BEND5: variants seen among roughly 807,000 people sequenced by gnomAD.
BEND5 encodes BEN domain containing 5, also known as BEN domain-containing protein 5.
BEND5 carries 22 observed loss-of-function variants against 43.9 expected under a neutral mutation model. The ratio of observed to expected loss-of-function variants is 0.50; its 90% CI spans 0.36 to 0.72. The LOEUF (loss-of-function observed/expected upper bound fraction) is 0.72, where lower values mean the gene tolerates loss of function less well. Among genes scored for constraint, BEND5 ranks in the 30% least tolerant of loss-of-function variants. The probability of loss-of-function intolerance (pLI) is 0.00; values close to 1 mark genes in which losing one functional copy is unlikely to be tolerated. For missense variants in BEND5, 428 were observed against 550.6 expected (o/e 0.78, Z 2.23); for synonymous variants, 228 against 225.9 (o/e 1.01, Z -0.08).
At position 48,776,822 on chromosome 1, in the gene BEND5, A is replaced by G. The variant is rs1645116815; in HGVS notation, c.10T>C (p.Phe4Leu). 6.6e-7 allele frequency: 1 copy of G among 1,506,248 alleles called. No individual in the cohort carries two copies. The highest frequency in any genetic ancestry group is 8.9e-7 in the Non-Finnish European group (1 of 1,129,158). 93.3% of individuals were successfully genotyped at this position (1,506,248 alleles called of 1,614,324 possible). Residue 4 changes from phenylalanine to leucine, a missense_variant, in exon 1 of 6, where the codon TTT (phenylalanine) becomes CTT (leucine). Around this residue, in one of 4 missense-constraint regions of BEND5, gnomAD observed 107 missense variants for 98.8 expected, o/e 1.08. Transcript: ENST00000371833. ...ACGTTGTCCTCCAGGAACCGCACAAAGGCGTACATGGTGGGCGCCGGGGGC... is the reference window on the plus strand; with the variant it reads ...ACGTTGTCCTCCAGGAACCGCACAAGGGCGTACATGGTGGGCGCCGGGGGC... MYA[F>L]VRFLEDNVCY... is the part of the protein sequence containing the mutation.
chr1:48,735,358 A>AGAGGGCATTGGCAAAGAATGGATGGATG (rs1355969705), intron 5 of BEND5, among the ~76,000 whole-genome samples: 1 of 151,960 alleles, frequency 6.6e-6, no homozygotes, highest in African/African-American at 2.4e-5. Context: ...AATACCCATT[A>AGAGGGCATTGGCAAAGAATGGATGGATG]GAGGGCCTGG....
intron 3 of BEND5, among the ~76,000 whole-genome samples, chr1:48,747,146 A>C (rs1433738826): frequency 6.6e-6 from 1 of 152,244 alleles, no homozygotes; most frequent in Non-Finnish European, 1.5e-5. Flanking sequence ...ATTAGCCACA[A>C]TAATAAGCAC....
Position 48,736,780 on chromosome 1 carries a change from G to T in BEND5, c.895-328C>A, listed in dbSNP as rs1649123890. On this transcript the variant is annotated intron_variant, in intron 4 of 5. Transcript: ENST00000371833. The surrounding 1 kb of genome is among the most constrained non-coding windows in gnomAD (Gnocchi z 4.0). The stretch of plus-strand genomic sequence containing the variant: ...CTGAACATCATTCAACTAGTAAGTG[G>T]CAGAGTTGATATTCTACACTATACT... Among the ~76,000 whole-genome samples the T allele has an allele frequency of 6.6e-6, 1 of 152,152 alleles. No homozygotes were observed.
intron 2 of BEND5, 45 bp from the exon 3 acceptor site, chr1:48,759,329 T>C (rs549650665): frequency 6.5e-7 from 1 of 1,533,806 alleles, no homozygotes; most frequent in East Asian, 2.5e-5. Context: ...GCAGCTGGGA[T>C]TTTCTTGGAC....
At chr1:48,776,528 T>G in intron 1 of BEND5, 78 bp downstream of exon 1, 12 of 660,368 alleles carry the variant, frequency 1.8e-5, no homozygotes, top group Non-Finnish European at 2.2e-5. Context: ...CCCGGTCCCC[T>G]CCGCCCGGGC....
intron 4 of BEND5, among the ~76,000 whole-genome samples, chr1:48,741,102 C>T (rs1267194686): frequency 6.6e-6 from 1 of 152,168 alleles, no homozygotes; most frequent in African/African-American, 2.4e-5. Flanking sequence ...ATCCATCAGC[C>T]TTCAAGGCAA....
intron 1 of BEND5, among the ~76,000 whole-genome samples, chr1:48,762,926 C>G (rs1218731206): frequency 6.6e-6 from 1 of 152,004 alleles, no homozygotes; most frequent in African/African-American, 2.4e-5. Context: ...TCTCTGAACT[C>G]AAGTCTCTCC....
chr1:48,751,577 G>A (rs1194358495), intron 3 of BEND5, among the ~76,000 whole-genome samples: 3 of 152,176 alleles, frequency 2.0e-5, no homozygotes, highest in African/African-American at 7.2e-5. Context: ...GCCCAAAGCA[G>A]GTATTCCTAG....
At position 48,742,685 on chromosome 1, in the gene BEND5, T is replaced by G. The variant is rs1650102574; in HGVS notation, c.832A>C (p.Thr278Pro). Residue 278 changes from threonine to proline, a missense_variant, in exon 4 of 6, where the codon ACG (threonine) becomes CCG (proline). Thr to Pro is a conservative substitution (Grantham distance 38). Around this residue, in one of 4 missense-constraint regions of BEND5, gnomAD observed 243 missense variants for 286.4 expected, o/e 0.85. Transcript: ENST00000371833. ...GCAGGAGCGGGGTAATAGGACGACG[T>G]ATTTGCTTCCTCACTGAAAGTGCTC... is the stretch of plus-strand genomic sequence containing the variant. ...LRSTFSEEANTSSYYPAPAPV... is the reference protein window; with the variant it reads ...LRSTFSEEANPSSYYPAPAPV... 6.2e-7 allele frequency: 1 copy of G among 1,611,758 alleles called. No individual in the cohort carries two copies. The highest frequency in any genetic ancestry group is 8.5e-7 in the Non-Finnish European group (1 of 1,178,866).
At chr1:48,737,320 C>A (rs1456283716) in intron 4 of BEND5, among the ~76,000 whole-genome samples, 2 of 152,216 alleles carry the variant, frequency 1.3e-5, no homozygotes, top group East Asian at 3.9e-4. Context: ...AAAAAAAAAT[C>A]ATCAGTTCGT....
Position 48,727,919 on chromosome 1 carries a change from T to C in BEND5, c.1233A>G (p.Glu411=). The C allele has an allele frequency of 6.2e-7, 1 of 1,607,842 alleles. No individual in the cohort carries two copies. ...AATTGTATTTTGCTTCCCTTCGTTC[T>C]TCATTTTTACAGGATTTATTGATAT... ...IMDINKSCKN[E]ERREAKYNLQ is the part of the protein sequence containing the mutation. The change falls in exon 6 of 6, where the codon GAA becomes GAG. Residue 411 remains glutamate (E), a synonymous_variant. Coordinates refer to ENST00000371833, the MANE Select transcript of BEND5 (RefSeq NM_024603.4).
At chr1:48,731,786 T>C (rs1014980986) in intron 5 of BEND5, among the ~76,000 whole-genome samples, 1 of 152,074 alleles carries the variant, frequency 6.6e-6, no homozygotes, top group African/African-American at 2.4e-5. Flanking sequence ...ACAGGAGATA[T>C]AGCCAGAAAC....
chr1:48,743,085 C>G (rs11205534), intron 3 of BEND5, among the ~76,000 whole-genome samples: 1 of 151,870 alleles, frequency 6.6e-6, no homozygotes, highest in African/African-American at 2.4e-5. Context: ...TTCTGTTACG[C>G]CTGGGTTGGA....
chr1:48,776,478 G>T (rs1645089892), intron 1 of BEND5, 128 bp downstream of exon 1: 1 of 693,218 alleles, frequency 1.4e-6, no homozygotes, highest in East Asian at 3.4e-5. Context: ...ATGCCCAGAG[G>T]ACGGGAGAAG....
Position 48,756,553 on chromosome 1 carries a change from G to T in BEND5, c.745+2347C>A, listed in dbSNP as rs570532273. Among the ~76,000 whole-genome samples the T allele has an allele frequency of 8.5e-5, 13 of 152,340 alleles. No homozygotes were observed. In the East Asian group the frequency reaches 2.1e-3, roughly 25 times the overall value. ...GAAAATAAGGTCATAGGAAAGGAAGGAAGAAAGGAAAGAAGGACATGAGCT... is the reference window on the plus strand; with the variant it reads ...GAAAATAAGGTCATAGGAAAGGAAGTAAGAAAGGAAAGAAGGACATGAGCT... On this transcript the variant is annotated intron_variant, in intron 3 of 5. Transcript: ENST00000371833.
chr1:48,750,596 G>T (rs1429778595), intron 3 of BEND5, among the ~76,000 whole-genome samples: 1 of 152,162 alleles, frequency 6.6e-6, no homozygotes, highest in Non-Finnish European at 1.5e-5. Flanking sequence ...ACTTCTTTAA[G>T]GTGGCAAGGG....
At chr1:48,756,845 A>C (rs1470333460) in intron 3 of BEND5, among the ~76,000 whole-genome samples, 1 of 152,168 alleles carries the variant, frequency 6.6e-6, no homozygotes, top group Non-Finnish European at 1.5e-5. Context: ...TTGGGGCTCC[A>C]GTTGATTTAT....
Position 48,736,124 on chromosome 1 carries a change from A to C in BEND5, c.1108+115T>G. The C allele has an allele frequency of 8.3e-7, 1 of 1,211,758 alleles. No homozygotes were observed. Among genetic ancestry groups the C allele is most frequent in the South Asian group, 1.4e-5 (1 of 73,534 alleles). The allele number at this position is 1,211,758 out of a possible 1,614,324, so 75.1% of individuals were successfully genotyped here. A position where few individuals can be genotyped will look rare whatever the true frequency, so the allele number is the denominator to read the frequency against. Reference sequence around the variant, plus strand: ...CGCTTGGTGTCCCCGGGCTCAGCCCAGGGTCTGGCATGCAGAAGCTTCATA... The same window carrying C: ...CGCTTGGTGTCCCCGGGCTCAGCCCCGGGTCTGGCATGCAGAAGCTTCATA... On this transcript the variant is annotated intron_variant, in intron 5 of 5. Coordinates refer to ENST00000371833, the MANE Select transcript of BEND5 (RefSeq NM_024603.4). This position sits in a 1 kb window ranked among gnomAD's most constrained non-coding sequence, Gnocchi z 4.0.
intron 5 of BEND5, among the ~76,000 whole-genome samples, chr1:48,735,835 C>T (rs1398729844): frequency 1.3e-5 from 2 of 152,064 alleles, no homozygotes; most frequent in Non-Finnish European, 2.9e-5. Context: ...GTTCAAGATG[C>T]TTCTGCCTCC....
Sources: gnomAD v4.1 joint callset for allele counts (sites outside exome capture counted in the v4.1 genomes callset) on GRCh38, gnomAD v4.1.1 for gene constraint, gnomAD v4.1.1 regional missense constraint, Gnocchi (gnomAD v3.1) non-coding constraint, MANE v1.5 for transcripts, NCBI Gene and HGNC (gene_info 2026-07-23, HGNC 2026-07-21) for gene names.